Variants in BORA observed in about 807,000 individuals in gnomAD.
The protein encoded by BORA is protein aurora borealis.
A neutral mutation model predicts 55.8 loss-of-function variants in BORA; 26 were observed. The observed-to-expected ratio is 0.47, with a 90% CI of 0.34 to 0.65. The LOEUF (loss-of-function observed/expected upper bound fraction) is 0.65, where lower values mean the gene tolerates loss of function less well. Ranked by LOEUF, BORA falls within the 30% of genes least tolerant of loss-of-function variation. The pLI is 0.01. For missense variants in BORA, 568 were observed against 671.5 expected, an observed-to-expected ratio of 0.85 and a Z score of 1.70; for synonymous variants, 201 against 216.9, an observed-to-expected ratio of 0.93 and a Z score of 0.64.
At chr13:72,752,376 A>G (rs1054195230) in intron 10 of BORA, 27 of 152,088 alleles carry the variant, frequency 1.8e-4, no homozygotes, top group African/African-American at 6.3e-4. Flanking sequence ...GCAGAAGTCT[A>G]GATGAGAGAC....
intron 3 of BORA, among the ~76,000 whole-genome samples, chr13:72,733,388 T>C (rs1593806114): frequency 6.6e-6 from 1 of 152,312 alleles, no homozygotes; most frequent in African/African-American, 2.4e-5. Flanking sequence ...AGGCCACACC[T>C]ATACCTATAT....
At chr13:72,729,235 T>G (rs1324538402) in intron 2 of BORA, 142 bp downstream of exon 2, 1 of 761,326 alleles carries the variant, frequency 1.3e-6, no homozygotes, top group Non-Finnish European at 1.9e-6. Context: ...TTTTTTAAAT[T>G]GTAGTGTTCA....
chr13:72,731,433 G>T (rs773296127), intron 3 of BORA, 46 bp downstream of exon 3: 48 of 1,326,442 alleles, frequency 3.6e-5, no homozygotes, highest in Non-Finnish European at 5.1e-5. Context: ...ACTCTCAAGT[G>T]AAGAGAGGTA....
rs2032746765 is a variant in BORA, at chr13:72,728,907, ACT to A, written c.-15-16_-15-15del. The A allele has an allele frequency of 1.9e-6, 3 of 1,545,330 alleles. No individual in the cohort carries two copies. The highest frequency in any genetic ancestry group is 2.6e-6 in the Non-Finnish European group (3 of 1,153,576). On this transcript the variant is annotated splice_polypyrimidine_tract_variant and intron_variant, in intron 1 of 11. Coordinates refer to ENST00000390667, the MANE Select transcript of BORA (RefSeq NM_024808.5). Reference sequence around the variant, plus strand: ...GGGACTTTGTAATTTTAACATGCATACTCTTGATTTCTTTTTAGTTTTCTCTC... The same window carrying A: ...GGGACTTTGTAATTTTAACATGCATACTTGATTTCTTTTTAGTTTTCTCTC...
In BORA at chr13:72,751,137, TA is replaced by T. The variant is rs1001235073; in HGVS notation, c.1483-2550del. 3.0e-4 allele frequency among the ~76,000 whole-genome samples: 45 copies of T among 152,260 alleles called. 3 individuals carry two copies. Among genetic ancestry groups the T allele is most frequent in the African/African-American group, 1.0e-3 (42 of 41,552 alleles). On this transcript the variant is annotated intron_variant, in intron 10 of 11. Transcript: ENST00000390667. The stretch of plus-strand genomic sequence containing the variant: ...GCATGATCATTGTGATTAATATAAG[TA>T]AACAGTGCCTGAACACTGTTGGTGG...
chr13:72,746,195 T>C (rs2033137089), intron 9 of BORA, 119 bp downstream of exon 9: 4 of 990,844 alleles, frequency 4.0e-6, no homozygotes, highest in Non-Finnish European at 4.4e-6. Flanking sequence ...CCTTCTAACA[T>C]TTAGGAACTT....
In BORA at chr13:72,745,116, C is replaced by T. The variant is rs762259827; in HGVS notation, c.647C>T (p.Pro216Leu). ...DSLPSASPGS[P>L]HSGVQTSLEM... Reference sequence around the variant, plus strand: ...TTACCTTCGGCTTCTCCCGGAAGTCCTCACAGTGGTGTTCAAACATCACTA... The same window carrying T: ...TTACCTTCGGCTTCTCCCGGAAGTCTTCACAGTGGTGTTCAAACATCACTA... Residue 216 changes from proline to leucine, a missense_variant, in exon 8 of 12, where the codon CCT becomes CTT. Coordinates refer to ENST00000390667, the MANE Select transcript of BORA (RefSeq NM_024808.5). 1.2e-6 allele frequency: 2 copies of T among 1,613,992 alleles called. No individual in the cohort carries two copies. The highest frequency in any genetic ancestry group is 2.7e-5 in the African/African-American group (2 of 74,928).
rs1401168937 is a variant in BORA, at chr13:72,746,859, G to C, written c.1230G>C (p.Gln410His). 1.2e-6 allele frequency: 2 copies of C among 1,614,156 alleles called. No homozygotes were observed. The highest frequency in any genetic ancestry group is 3.3e-5 in the Admixed American group (2 of 60,016). Residue 410 changes from glutamine to histidine, a missense_variant, in exon 10 of 12, where the codon CAG becomes CAC. Coordinates refer to ENST00000390667, the MANE Select transcript of BORA (RefSeq NM_024808.5). ...VVTAMSVTQN[Q>H]SSASEKELAL... ...CTGCCATGTCTGTTACACAAAATCA[G>C]TCCAGTGCTTCTGAGAAAGAATTAG...
chr13:72,729,216 G>T (rs1358986916), intron 2 of BORA, 123 bp downstream of exon 2: 1 of 787,822 alleles, frequency 1.3e-6, no homozygotes, highest in East Asian at 3.0e-5. Context: ...ATATATAGCT[G>T]CAATATACTT....
intron 3 of BORA, among the ~76,000 whole-genome samples, chr13:72,734,023 T>C (rs1358803946): frequency 1.3e-5 from 2 of 151,898 alleles, no homozygotes; most frequent in Non-Finnish European, 2.9e-5. Context: ...TGTGGACATA[T>C]AGAGGGGAAC....
Position 72,755,134 on chromosome 13 carries a change from T to C in BORA, c.1615-17T>C. On this transcript the variant is annotated splice_polypyrimidine_tract_variant and intron_variant, in intron 11 of 11. Transcript: ENST00000390667. Reference sequence around the variant, plus strand: ...CCTACTTAAACTGAAAACAAGGTATTGTCTTCTTTTTCACAGCAAGACCAC... The same window carrying C: ...CCTACTTAAACTGAAAACAAGGTATCGTCTTCTTTTTCACAGCAAGACCAC... 6.2e-7 allele frequency: 1 copy of C among 1,612,048 alleles called. No individual in the cohort carries two copies. The highest frequency in any genetic ancestry group is 8.5e-7 in the Non-Finnish European group (1 of 1,178,522).
intron 5 of BORA, among the ~76,000 whole-genome samples, chr13:72,742,804 ACACACAC>A (rs2033063003): frequency 7.1e-6 from 1 of 139,910 alleles, no homozygotes; most frequent in Non-Finnish European, 1.6e-5. Context: ...ACACACACAC[ACACACAC>A]AAAATGGAAT....
intron 6 of BORA, 49 bp downstream of exon 6, chr13:72,743,651 A>C: frequency 1.4e-6 from 2 of 1,416,822 alleles, no homozygotes; most frequent in East Asian, 2.4e-5. Flanking sequence ...ATTAAGCTAC[A>C]TTGAATTCTA....
At chr13:72,736,983 T>TA (rs764598179) in intron 4 of BORA, among the ~76,000 whole-genome samples, 1,444 of 133,430 alleles carry the variant, frequency 0.011, 11 homozygotes, top group African/African-American at 0.022. Context: ...AGTCCACCTT[T>TA]AAAAAAAAAA....
In BORA at chr13:72,737,951, A is replaced by G. The variant is rs371247895; in HGVS notation, c.307-11A>G. Reference sequence around the variant, plus strand: ...AATTTATGCCTAATTGTATGACTTTAATTTTCCTAGTTTTTCACTAAAGAT... The same window carrying G: ...AATTTATGCCTAATTGTATGACTTTGATTTTCCTAGTTTTTCACTAAAGAT... On this transcript the variant is annotated splice_polypyrimidine_tract_variant and intron_variant, in intron 4 of 11. Transcript: ENST00000390667. 2.1e-5 allele frequency: 32 copies of G among 1,558,594 alleles called. No individual in the cohort carries two copies. Among genetic ancestry groups the G allele is most frequent in the Non-Finnish European group, 2.7e-5 (31 of 1,145,198 alleles).
chr13:72,728,045 G>T (rs925515868), intron 1 of BORA, 38 bp downstream of exon 1: 5 of 1,550,288 alleles, frequency 3.2e-6, no homozygotes, highest in Non-Finnish European at 4.4e-6. Context: ...CTTTCCTCCT[G>T]TCTGAATGGA....
chr13:72,732,916 A>G (rs1347102206), intron 3 of BORA, among the ~76,000 whole-genome samples: 2 of 152,192 alleles, frequency 1.3e-5, no homozygotes, highest in African/African-American at 4.8e-5. Flanking sequence ...AAGAAGTACA[A>G]GATACTAAGA....
In BORA at chr13:72,745,045, C is replaced by T; in HGVS notation, c.576C>T (p.Leu192=). 6.2e-7 allele frequency: 1 copy of T among 1,614,134 alleles called. No homozygotes were observed. The highest frequency in any genetic ancestry group is 1.1e-5 in the South Asian group (1 of 91,088). ...QSPGNLSSSS[L]RRKLFLDGNG... ...CTGGAAACCTCAGTTCTTCATCCCTCAGAAGAAAGCTGTTTTTAGATGGGA... is the reference window on the plus strand; with the variant it reads ...CTGGAAACCTCAGTTCTTCATCCCTTAGAAGAAAGCTGTTTTTAGATGGGA... Residue 192 remains leucine, a synonymous_variant, in exon 8 of 12, where the codon CTC becomes CTT. Transcript: ENST00000390667.
rs753882824 is a variant in BORA at position 72,746,544 on chromosome 13, A to G, written c.915A>G (p.Gly305=). The G allele has an allele frequency of 6.2e-7, 1 of 1,613,672 alleles. No homozygotes were observed. The highest frequency in any genetic ancestry group is 1.3e-5 in the African/African-American group (1 of 74,900). The change falls in exon 10 of 12, where the codon GGA becomes GGG. Residue 305 remains glycine, a synonymous_variant. Coordinates refer to ENST00000390667, the MANE Select transcript of BORA (RefSeq NM_024808.5). ...TTCATTCTCCTGATGCTTCATCTGG[A>G]ACAAATTCTAATGGGATAACTAATC... ...FTVHSPDASS[G]TNSNGITNPC... is the part of the protein sequence containing the mutation.
Sources: allele counts gnomAD v4.1 joint callset (sites outside exome capture counted in the v4.1 genomes callset), GRCh38; gene constraint gnomAD v4.1.1; transcripts MANE v1.5; gene names NCBI Gene and HGNC (gene_info 2026-07-23, HGNC 2026-07-21).